Variants in PNPLA4 observed in about 807,000 individuals in gnomAD.
The protein encoded by PNPLA4 is patatin-like phospholipase domain-containing protein 4.
PNPLA4 carries 15 observed loss-of-function variants against 18.3 expected under a neutral mutation model. The observed-to-expected ratio is 0.82, with a 90% CI of 0.55 to 1.26. The LOEUF (loss-of-function observed/expected upper bound fraction) is 1.26. Ranked by LOEUF, PNPLA4 falls within the 50% of genes most tolerant of loss-of-function variation. The pLI, the probability that PNPLA4 is intolerant of heterozygous loss-of-function variation, is 0.00. For synonymous variants in PNPLA4, 88 were observed against 85.6 expected (o/e 1.03, Z -0.16); for missense variants, 229 against 196.8 (o/e 1.16, Z -0.98).
At chrX:7,916,575 C>T (rs994082308) in intron 4 of PNPLA4, among the ~76,000 whole-genome samples, 6 of 111,431 alleles carry the variant, frequency 5.4e-5, no homozygotes, top group African/African-American at 9.8e-5. Flanking sequence ...TTCTGAAGGT[C>T]TCCATCTTAA....
At chrX:7,911,129 ATC>A (rs1478053487) in intron 5 of PNPLA4, among the ~76,000 whole-genome samples, 4 of 111,726 alleles carry the variant, frequency 3.6e-5, no homozygotes, top group Non-Finnish European at 5.6e-5. Context: ...CAAAATGCAT[ATC>A]TCTGGTATGT....
In PNPLA4 at chrX:7,912,028, C is replaced by A; in HGVS notation, c.477G>T (p.Gln159His). 1 of 1,192,527 alleles carries A rather than the reference C, an allele frequency of 8.4e-7. No individual in the cohort carries two copies. The highest frequency in any genetic ancestry group is 1.8e-5 in the South Asian group (1 of 56,429). Reference protein sequence around the residue: ...AGLKLVEYKGQKWVDGGLTNA... With the variant: ...AGLKLVEYKGHKWVDGGLTNA... ...AATTCCTCAGTTATAACAAGCTTAC[C>A]TGCCCTTTGTATTCCACTAGCTTCA... The change falls in exon 5 of 7, where the codon CAG becomes CAT. Residue 159 changes from glutamine (Q) to histidine (H), a missense_variant and splice_region_variant. Gln to His is a conservative substitution (Grantham distance 24). Coordinates refer to ENST00000381042, the MANE Select transcript of PNPLA4 (RefSeq NM_004650.3).
intron 4 of PNPLA4, among the ~76,000 whole-genome samples, 200 bp downstream of exon 4, chrX:7,921,513 C>G (rs141307181): frequency 1.9e-4 from 21 of 112,014 alleles, no homozygotes; most frequent in African/African-American, 6.5e-4. Flanking sequence ...GCATTTGGAT[C>G]ACAGTGCATC....
intron 5 of PNPLA4, 66 bp downstream of exon 5, chrX:7,911,962 T>C: frequency 1.4e-6 from 1 of 734,743 alleles, no homozygotes; most frequent in Non-Finnish European, 2.1e-6. Flanking sequence ...ATTATAAAAT[T>C]GGATGTTTCA....
chrX:7,913,976 C>T (rs1186545649), intron 4 of PNPLA4, among the ~76,000 whole-genome samples: 1 of 112,239 alleles, frequency 8.9e-6, no homozygotes, highest in Non-Finnish European at 1.9e-5. Context: ...GTCTTTTTTT[C>T]ATCTTTTGGT....
rs1923502903 is a variant in PNPLA4, at chrX:7,900,715, A to T, written c.733T>A (p.Phe245Ile). 1.7e-6 allele frequency: 2 copies of T among 1,175,176 alleles called. No individual in the cohort carries two copies. Among genetic ancestry groups the T allele is most frequent in the Non-Finnish European group, 2.3e-6 (2 of 868,801 alleles). The change falls in exon 7 of 7, where the codon TTT (phenylalanine) becomes ATT (isoleucine). Residue 245 changes from phenylalanine (F) to isoleucine (I), a missense_variant. Transcript: ENST00000381042. The stretch of plus-strand genomic sequence containing the variant: ...TCAAACCAATTTTCTTTAAGTAAAA[A>T]CTTAACAGTGTCATCAAAACCACAC... ...YQCGFDDTVK[F>I]LLKENWFE
At chrX:7,926,479 C>T (rs1924413022) in intron 1 of PNPLA4, among the ~76,000 whole-genome samples, 1 of 111,857 alleles carries the variant, frequency 8.9e-6, no homozygotes, top group Non-Finnish European at 1.9e-5. Flanking sequence ...CCCTTTGAAA[C>T]GTTTTGCGGG....
At chrX:7,902,177 A>G (rs1368677132) in intron 5 of PNPLA4, 36 bp from the exon 6 acceptor site, 1 of 1,155,083 alleles carries the variant, frequency 8.7e-7, no homozygotes. Flanking sequence ...GCACACGTCA[A>G]CAACACATCC....
chrX:7,909,650 TG>T (rs1357619933), intron 5 of PNPLA4, among the ~76,000 whole-genome samples: 1 of 110,976 alleles, frequency 9.0e-6, no homozygotes, highest in African/African-American at 3.3e-5. Flanking sequence ...ATTTAGGACC[TG>T]GGTATTTCCA....
chrX:7,899,051 T>C lies in PNPLA4; in HGVS notation c.*1635A>G, dbSNP rs1346322724. 8.9e-6 allele frequency: 1 copy of C among 111,959 alleles called. No individual in the cohort carries two copies. The highest frequency in any genetic ancestry group is 1.9e-5 in the Non-Finnish European group (1 of 53,214). The allele number at this position is 111,959 out of a possible 1,213,427, so 9.2% of individuals were successfully genotyped here. The stretch of plus-strand genomic sequence containing the variant: ...AACAATTGAGAATCTATCCACTTCA[T>C]GTCACTTATGGAAACAACACATTAA... On this transcript the variant is annotated 3_prime_UTR_variant, in exon 7 of 7. Transcript: ENST00000381042.
At chrX:7,920,936 C>A (rs756443119) in intron 4 of PNPLA4, among the ~76,000 whole-genome samples, 20 of 112,511 alleles carry the variant, frequency 1.8e-4, no homozygotes, top group African/African-American at 6.5e-4. Context: ...TACATAGGTA[C>A]GTACATCACA....
chrX:7,917,859 C>T (rs1220719283), intron 4 of PNPLA4, among the ~76,000 whole-genome samples: 1 of 111,962 alleles, frequency 8.9e-6, no homozygotes, highest in Non-Finnish European at 1.9e-5. Context: ...CACACTCTCA[C>T]ATATTCTAAG....
chrX:7,901,368 G>A (rs1431537559), intron 6 of PNPLA4, among the ~76,000 whole-genome samples: 1 of 111,728 alleles, frequency 9.0e-6, no homozygotes, highest in Non-Finnish European at 1.9e-5. Flanking sequence ...GATCACTTGA[G>A]CCCAGGAGCT....
intron 5 of PNPLA4, among the ~76,000 whole-genome samples, chrX:7,904,454 C>G (rs890222247): frequency 2.7e-5 from 3 of 111,798 alleles, no homozygotes; most frequent in Non-Finnish European, 1.9e-5. Flanking sequence ...GATACCGGCT[C>G]CTTCACAACC....
chrX:7,907,727 C>CT lies in PNPLA4; in HGVS notation c.477+4300dup, dbSNP rs755174072. Among the ~76,000 whole-genome samples the CT allele has an allele frequency of 3.7e-3, 384 of 102,469 alleles. 2 individuals are homozygous for CT. Among genetic ancestry groups the CT allele is most frequent in the African/African-American group, 0.012 (330 of 28,365 alleles). 89.0% of individuals were successfully genotyped at this position (102,469 alleles called of 115,157 possible). On this transcript the variant is annotated intron_variant, in intron 5 of 6. Transcript: ENST00000381042. Reference sequence around the variant, plus strand: ...TTTTAAAAAGCAGTTTTCTTTCTTTCTTTTTTTTTTTTAAACAGGGTTTCA... The same window carrying CT: ...TTTTAAAAAGCAGTTTTCTTTCTTTCTTTTTTTTTTTTTAAACAGGGTTTCA...
At position 7,922,281 on chromosome X, in the gene PNPLA4, C is replaced by A. The variant is rs762373933; in HGVS notation, c.181-183G>T. The stretch of plus-strand genomic sequence containing the variant: ...TCTCAGGCCCTTTGCAAGGTATACA[C>A]TCTCAAGAATCCTAATCTTTTTTTG... On this transcript the variant is annotated intron_variant, in intron 2 of 6. Coordinates refer to ENST00000381042, the MANE Select transcript of PNPLA4 (RefSeq NM_004650.3). Among the ~76,000 whole-genome samples the A allele has an allele frequency of 4.5e-5, 5 of 112,279 alleles. No individual in the cohort carries two copies. In the East Asian group the frequency reaches 1.4e-3, roughly 32 times the overall value.
chrX:7,921,518 T>G (rs898525368), intron 4 of PNPLA4, among the ~76,000 whole-genome samples, 195 bp downstream of exon 4: 4 of 111,966 alleles, frequency 3.6e-5, no homozygotes, highest in Non-Finnish European at 5.6e-5. Flanking sequence ...TGGATCACAG[T>G]GCATCATAAG....
At chrX:7,917,356 T>C (rs1407105864) in intron 4 of PNPLA4, among the ~76,000 whole-genome samples, 1 of 112,203 alleles carries the variant, frequency 8.9e-6, no homozygotes, top group African/African-American at 3.2e-5. Flanking sequence ...CCTGAAGTAT[T>C]ACAGATATCG....
chrX:7,898,932 T>C lies in PNPLA4; in HGVS notation c.*1754A>G, dbSNP rs1436163577. ...AAGGAATTTATTGAAATACAGTGTA[T>C]CATACAAATAGAATATTCACATGAA... On this transcript the variant is annotated 3_prime_UTR_variant, in exon 7 of 7. Transcript: ENST00000381042. 1 of 111,914 alleles carries C rather than the reference T, an allele frequency of 8.9e-6. No individual in the cohort carries two copies. Among genetic ancestry groups the C allele is most frequent in the African/African-American group, 3.2e-5 (1 of 30,779 alleles). The allele number at this position is 111,914 out of a possible 1,213,427, so 9.2% of individuals were successfully genotyped here. A position where few individuals can be genotyped will look rare whatever the true frequency, so the allele number is the denominator to read the frequency against.
Sources: allele counts gnomAD v4.1 joint callset (sites outside exome capture counted in the v4.1 genomes callset), GRCh38; gene constraint gnomAD v4.1.1; transcripts MANE v1.5; gene names NCBI Gene and HGNC (gene_info 2026-07-23, HGNC 2026-07-21).